The following C10orf67 variants were observed in gnomAD, a reference collection of about 807,000 sequenced individuals.
C10orf67 encodes chromosome 10 open reading frame 67, also known as uncharacterized protein C10orf67, mitochondrial.
C10orf67 carries 60 observed loss-of-function variants against 35.6 expected under a neutral mutation model. The observed-to-expected ratio is 1.68, with a 90% CI of 1.37 to 2.09. C10orf67 has a LOEUF of 2.09. Ranked by LOEUF, C10orf67 falls within the 30% of genes most tolerant of loss-of-function variation. The pLI, the probability that C10orf67 is intolerant of heterozygous loss-of-function variation, is 0.00. For missense variants in C10orf67, 474 were observed against 330.2 expected (o/e 1.44, Z -3.38); for synonymous variants, 167 against 115.8 (o/e 1.44, Z -2.84).
intron 15 of C10orf67, among the ~76,000 whole-genome samples, chr10:23,215,798 T>C (rs1394178057): frequency 6.6e-6 from 1 of 152,116 alleles, no homozygotes; most frequent in Non-Finnish European, 1.5e-5. Context: ...TAATTTAACA[T>C]GAGAAAATGT....
intron 15 of C10orf67, among the ~76,000 whole-genome samples, chr10:23,212,789 G>A (rs1481175348): frequency 2.1e-5 from 3 of 140,502 alleles, no homozygotes; most frequent in East Asian, 3.9e-4. Flanking sequence ...GAGAGAGAGA[G>A]AGAGAGAGAG....
At chr10:23,283,105 A>T (rs2132239490) in intron 7 of C10orf67, among the ~76,000 whole-genome samples, 1 of 152,318 alleles carries the variant, frequency 6.6e-6, no homozygotes, top group South Asian at 2.1e-4. Flanking sequence ...GCTTGAGGTG[A>T]TGCATACCCC....
chr10:23,316,093 G>T (rs1844699672), intron 4 of C10orf67, among the ~76,000 whole-genome samples: 1 of 152,196 alleles, frequency 6.6e-6, no homozygotes, highest in African/African-American at 2.4e-5. Flanking sequence ...TGGCCGGGCA[G>T]GCTGTGCTCG....
intron 4 of C10orf67, among the ~76,000 whole-genome samples, chr10:23,313,625 T>G (rs1844578982): frequency 1.3e-5 from 2 of 152,188 alleles, no homozygotes; most frequent in African/African-American, 4.8e-5. Context: ...GTAGCTATTA[T>G]ACAGCAGAGA....
intron 15 of C10orf67, 100 bp downstream of exon 15, chr10:23,223,498 A>G (rs1156244180): frequency 1.4e-6 from 1 of 692,638 alleles, no homozygotes; most frequent in African/African-American, 1.8e-5. Flanking sequence ...GCATTCACCC[A>G]GAATACCAAA....
chr10:23,295,156 G>C (rs1248824781), intron 5 of C10orf67, among the ~76,000 whole-genome samples: 1 of 152,140 alleles, frequency 6.6e-6, no homozygotes, highest in Non-Finnish European at 1.5e-5. Context: ...CAAATATTAA[G>C]AGTGTTTACA....
intron 8 of C10orf67, among the ~76,000 whole-genome samples, chr10:23,276,205 C>G (rs1284449626): frequency 6.6e-6 from 1 of 152,148 alleles, no homozygotes; most frequent in East Asian, 1.9e-4. Flanking sequence ...ATCCACTCCT[C>G]TTTTCTCTGA....
At chr10:23,270,143 T>C (rs1166579977) in intron 8 of C10orf67, among the ~76,000 whole-genome samples, 2 of 152,112 alleles carry the variant, frequency 1.3e-5, no homozygotes, top group Non-Finnish European at 2.9e-5. Flanking sequence ...AGAATAAAAA[T>C]GGCGACTGAA....
intron 4 of C10orf67, among the ~76,000 whole-genome samples, chr10:23,307,647 C>T (rs893954663): frequency 4.1e-4 from 61 of 148,466 alleles, no homozygotes; most frequent in African/African-American, 1.5e-3. Flanking sequence ...CTCACTCTCA[C>T]CCAGGCTGGA....
chr10:23,250,746 C>G (rs1004201922), intron 10 of C10orf67, 55 bp from the exon 11 acceptor site: 1 of 397,674 alleles, frequency 2.5e-6, no homozygotes, highest in African/African-American at 2.1e-5. Flanking sequence ...TATCTTGTTT[C>G]TCCATAAATC....
At chr10:23,258,892 T>C (rs1377010148) in intron 10 of C10orf67, among the ~76,000 whole-genome samples, 1 of 152,230 alleles carries the variant, frequency 6.6e-6, no homozygotes, top group African/African-American at 2.4e-5. Context: ...AGTTCAACAC[T>C]TCTGTTAAAT....
At chr10:23,307,651 G>A (rs1230105474) in intron 4 of C10orf67, among the ~76,000 whole-genome samples, 1 of 147,806 alleles carries the variant, frequency 6.8e-6, no homozygotes, top group Non-Finnish European at 1.5e-5. Context: ...CTCTCACCCA[G>A]GCTGGAGTGC....
At chr10:23,272,563 G>A (rs1843059502) in intron 8 of C10orf67, among the ~76,000 whole-genome samples, 1 of 152,136 alleles carries the variant, frequency 6.6e-6, no homozygotes. Flanking sequence ...TTATCCTTAT[G>A]CCAAGACCAC....
rs1200235984 is a variant in C10orf67, at chr10:23,282,045, G to T, written c.943C>A (p.Leu315Ile). 1.6e-6 allele frequency: 1 copy of T among 628,654 alleles called. No individual in the cohort carries two copies. The highest frequency in any genetic ancestry group is 2.8e-5 in the Admixed American group (1 of 35,486). 38.9% of individuals were successfully genotyped at this position (628,654 alleles called of 1,614,324 possible). A position where few individuals can be genotyped will look rare whatever the true frequency, so the allele number is the denominator to read the frequency against. Residue 315 changes from leucine (L) to isoleucine (I), a missense_variant, in exon 8 of 16, where the codon CTT (leucine) becomes ATT (isoleucine). Physicochemically the swap from Leu to Ile is conservative, Grantham distance 5. Transcript: ENST00000636213. ...MDSRDRLREELHYEKSLVQDV... is the reference protein window; with the variant it reads ...MDSRDRLREEIHYEKSLVQDV... ...TGAACTAATGATTTTTCATAATGAA[G>T]CTCTTCTCTTAATCTGTCTCTACTA...
rs537989882 is a variant in C10orf67 at position 23,327,482 on chromosome 10, C to T, written c.328-4945G>A. Among the ~76,000 whole-genome samples the T allele has an allele frequency of 3.7e-3, 564 of 152,174 alleles. 3 individuals carry two copies. Among genetic ancestry groups the T allele is most frequent in the Non-Finnish European group, 6.5e-3 (443 of 67,998 alleles). On this transcript the variant is annotated intron_variant, in intron 2 of 15. Coordinates refer to ENST00000636213, the MANE Select transcript of C10orf67 (RefSeq NM_001371909.1). ...AACAAAATGGACAATATGGCCAAAG[C>T]CTTCATATAGAAAAAATACATAAAT...
At chr10:23,288,623 T>TA (rs1469770304) in intron 7 of C10orf67, among the ~76,000 whole-genome samples, 2 of 152,234 alleles carry the variant, frequency 1.3e-5, no homozygotes. Flanking sequence ...TTTTAAAAAT[T>TA]AAAAAAAGAA....
intron 1 of C10orf67, among the ~76,000 whole-genome samples, chr10:23,339,720 G>T (rs752360554): frequency 6.6e-6 from 1 of 152,186 alleles, no homozygotes; most frequent in Non-Finnish European, 1.5e-5. Flanking sequence ...TTTGCTATCA[G>T]TGTATTGTCT....
intron 8 of C10orf67, among the ~76,000 whole-genome samples, chr10:23,272,416 A>G (rs989004757): frequency 2.6e-5 from 4 of 152,182 alleles, no homozygotes; most frequent in African/African-American, 7.2e-5. Context: ...TTGCTGTCCA[A>G]TTGTTTCAGT....
chr10:23,215,407 C>T (rs996091626), intron 15 of C10orf67, among the ~76,000 whole-genome samples: 1 of 151,944 alleles, frequency 6.6e-6, no homozygotes, highest in Non-Finnish European at 1.5e-5. Context: ...GATTCTCCTG[C>T]CTCAGCCTCC....
Sources: allele counts gnomAD v4.1 joint callset (sites outside exome capture counted in the v4.1 genomes callset), GRCh38; gene constraint gnomAD v4.1.1; transcripts MANE v1.5; gene names NCBI Gene and HGNC (gene_info 2026-07-23, HGNC 2026-07-21).